EPYC: variants seen among roughly 807,000 people sequenced by gnomAD.
The protein encoded by EPYC is dermatan sulfate proteoglycan 3.
Under a neutral mutation model 30.1 loss-of-function variants are expected in EPYC, and 28 were observed. That is an observed-to-expected ratio of 0.93 (90% CI 0.69 to 1.28). The LOEUF (loss-of-function observed/expected upper bound fraction) is 1.28, where lower values mean the gene tolerates loss of function less well. EPYC is among the 50% of genes most tolerant of loss of function. The probability of loss-of-function intolerance (pLI) is 0.00; values close to 1 mark genes in which losing one functional copy is unlikely to be tolerated. For synonymous variants in EPYC, 144 were observed against 141.4 expected (o/e 1.02, Z -0.13); for missense variants, 382 against 383.5 (o/e 1.00, Z 0.03).
chr12:90,970,094 C>A lies in EPYC; in HGVS notation c.748G>T (p.Asp250Tyr). 6.2e-7 allele frequency: 1 copy of A among 1,613,906 alleles called. No individual in the cohort carries two copies. Among genetic ancestry groups the A allele is most frequent in the Non-Finnish European group, 8.5e-7 (1 of 1,179,886 alleles). ...HHLYLTDNNL[D>Y]HIPLPLPENL... ...TCTGGGAGTGGCAGAGGGATGTGGT[C>A]CAAGTTGTTATCAGTGAGGTACAGA... Residue 250 changes from aspartate (D) to tyrosine (Y), a missense_variant, in exon 6 of 7, where the codon GAC becomes TAC. Transcript: ENST00000261172.
intron 2 of EPYC, among the ~76,000 whole-genome samples, chr12:90,988,510 C>T (rs1877505914): frequency 6.6e-6 from 1 of 152,094 alleles, no homozygotes; most frequent in South Asian, 2.1e-4. Flanking sequence ...TTCATTGGAT[C>T]TCATCATGGG....
At position 90,987,331 on chromosome 12, in the gene EPYC, A is replaced by C. The variant is rs1183564611; in HGVS notation, c.166-9069T>G. ...AACCACACCATAAAATTTCCCCCAC[A>C]CAGAAACATTCCAAGCTTGTGATGG... On this transcript the variant is annotated intron_variant, in intron 2 of 6. Coordinates refer to ENST00000261172, the MANE Select transcript of EPYC (RefSeq NM_004950.5). 5.3e-5 allele frequency among the ~76,000 whole-genome samples: 8 copies of C among 149,884 alleles called. No homozygotes were observed. The East Asian group carries it at 1.4e-3, about 25-fold the overall frequency.
chr12:90,974,072 A>ACACACT (rs71094701), intron 3 of EPYC, among the ~76,000 whole-genome samples: 1 of 144,114 alleles, frequency 6.9e-6, no homozygotes, highest in Non-Finnish European at 1.5e-5. Context: ...ACACACACAC[A>ACACACT]CCCCTACCTC....
At chr12:91,001,059 G>T (rs1478020643) in intron 2 of EPYC, among the ~76,000 whole-genome samples, 1 of 151,990 alleles carries the variant, frequency 6.6e-6, no homozygotes, top group Non-Finnish European at 1.5e-5. Context: ...AAAATAATCT[G>T]CTGTAGAGCC....
At chr12:90,969,807 G>A (rs938406776) in intron 6 of EPYC, among the ~76,000 whole-genome samples, 2 of 151,346 alleles carry the variant, frequency 1.3e-5, no homozygotes, top group East Asian at 1.9e-4. Flanking sequence ...ATTTTGCCTT[G>A]GAAAATAAGA....
intron 2 of EPYC, among the ~76,000 whole-genome samples, chr12:90,998,557 C>T (rs1452791388): frequency 6.6e-6 from 1 of 152,112 alleles, no homozygotes; most frequent in African/African-American, 2.4e-5. Flanking sequence ...TAGAAATCAA[C>T]AAAGCTCAAT....
intron 2 of EPYC, among the ~76,000 whole-genome samples, chr12:90,994,451 G>A (rs923348943): frequency 6.6e-6 from 1 of 152,132 alleles, no homozygotes; most frequent in Non-Finnish European, 1.5e-5. Flanking sequence ...CTTGCCCAAG[G>A]TTATACAGTT....
intron 2 of EPYC, among the ~76,000 whole-genome samples, chr12:90,995,029 A>G (rs1877666438): frequency 6.6e-6 from 1 of 152,108 alleles, no homozygotes; most frequent in African/African-American, 2.4e-5. Context: ...ATGTATTTTT[A>G]TGGGTTTAAC....
chr12:90,980,278 AG>A (rs1445890611), intron 2 of EPYC, among the ~76,000 whole-genome samples: 1 of 152,198 alleles, frequency 6.6e-6, no homozygotes, highest in African/African-American at 2.4e-5. Context: ...TTTGATGTGA[AG>A]CTGTAAGATC....
Position 90,964,069 on chromosome 12 carries a change from A to G in EPYC, c.*87T>C. ...TATCATCTCTCAGAACACAATCTCA[A>G]AGTATCATGCTGAGTTTTGTTTTGG... On this transcript the variant is annotated 3_prime_UTR_variant, in exon 7 of 7. Transcript: ENST00000261172. 9.4e-7 allele frequency: 1 copy of G among 1,061,574 alleles called. No homozygotes were observed. The highest frequency in any genetic ancestry group is 1.4e-6 in the Non-Finnish European group (1 of 731,758). The allele number at this position is 1,061,574 out of a possible 1,614,324, so 65.8% of individuals were successfully genotyped here.
chr12:90,972,442 A>G (rs117380424), intron 4 of EPYC: 2 of 170,964 alleles, frequency 1.2e-5, no homozygotes, highest in East Asian at 3.3e-4. Context: ...ACATTCATCC[A>G]TCATAAAGCA....
intron 2 of EPYC, among the ~76,000 whole-genome samples, chr12:90,979,978 A>G (rs563620782): frequency 3.3e-5 from 5 of 152,302 alleles, no homozygotes; most frequent in African/African-American, 1.2e-4. Flanking sequence ...CAATACATGA[A>G]GATACAATAA....
chr12:90,976,197 A>G (rs1388077347), intron 3 of EPYC, among the ~76,000 whole-genome samples: 1 of 152,126 alleles, frequency 6.6e-6, no homozygotes, highest in African/African-American at 2.4e-5. Context: ...GGAGTTGTTC[A>G]AGGGGTATAA....
rs79428848 is a variant in EPYC at position 91,004,184 on chromosome 12, T to A, written c.-14+763A>T. Among the ~76,000 whole-genome samples, 830 of 152,238 alleles carry A rather than the reference T, an allele frequency of 5.5e-3. 9 individuals carry two copies. Among genetic ancestry groups the A allele is most frequent in the African/African-American group, 0.018 (738 of 41,558 alleles). On this transcript the variant is annotated intron_variant, in intron 1 of 6. Transcript: ENST00000261172. ...AACTTAAAAAAAATTTTTCCTTATA[T>A]GTTTCTGGCAACTTCCATTATTCAA...
intron 2 of EPYC, among the ~76,000 whole-genome samples, chr12:90,983,762 A>T (rs1174211872): frequency 1.3e-5 from 2 of 152,050 alleles, no homozygotes; most frequent in Non-Finnish European, 2.9e-5. Flanking sequence ...CTGCTTCTAA[A>T]AACCACTCCA....
In EPYC at chr12:91,002,537, C is replaced by T. The variant is rs768679797; in HGVS notation, c.29G>A (p.Gly10Glu). The T allele has an allele frequency of 1.2e-6, 2 of 1,612,534 alleles. No homozygotes were observed. The highest frequency in any genetic ancestry group is 1.7e-6 in the Non-Finnish European group (2 of 1,179,378). The change falls in exon 2 of 7, where the codon GGA becomes GAA. Residue 10 changes from glycine to glutamate, a missense_variant. Coordinates refer to ENST00000261172, the MANE Select transcript of EPYC (RefSeq NM_004950.5). Reference sequence around the variant, plus strand: ...CACAGCAGCATCAAAGATGACAAGTCCCAGAACAAGTCCTGCTAATGTCTT... The same window carrying T: ...CACAGCAGCATCAAAGATGACAAGTTCCAGAACAAGTCCTGCTAATGTCTT... MKTLAGLVL[G>E]LVIFDAAVTA... is the part of the protein sequence containing the mutation.
In EPYC at chr12:90,982,423, C is replaced by T. The variant is rs184715787; in HGVS notation, c.166-4161G>A. Among the ~76,000 whole-genome samples the T allele has an allele frequency of 6.4e-4, 98 of 152,170 alleles. 1 individual carries two copies. The highest frequency in any genetic ancestry group is 8.8e-5 in the Non-Finnish European group (6 of 67,974). On this transcript the variant is annotated intron_variant, in intron 2 of 6. Coordinates refer to ENST00000261172, the MANE Select transcript of EPYC (RefSeq NM_004950.5). ...ATCACCCAAGAAAAAAACTCTACAA[C>T]CATTAACAGCCATTTCCAACTTCTC...
Position 90,964,211 on chromosome 12 carries a change from T to C in EPYC, c.914A>G (p.Lys305Arg), listed in dbSNP as rs1876834017. The C allele has an allele frequency of 1.2e-6, 2 of 1,613,466 alleles. No homozygotes were observed. The highest frequency in any genetic ancestry group is 2.2e-5 in the East Asian group (1 of 44,844). ...RLDGNPINLS[K>R]TPQAYMCLPR... ...TAGACACATGTATGCTTGAGGAGTT[T>C]TGCTGAGATTAATAGGGTTTCCATC... The change falls in exon 7 of 7, where the codon AAA (lysine) becomes AGA (arginine). Residue 305 changes from lysine to arginine, a missense_variant. Physicochemically the swap from Lys to Arg is conservative, Grantham distance 26 (BLOSUM62 2). Transcript: ENST00000261172.
chr12:91,003,472 C>A (rs1448149014), intron 1 of EPYC, among the ~76,000 whole-genome samples: 1 of 151,936 alleles, frequency 6.6e-6, no homozygotes, highest in East Asian at 1.9e-4. Flanking sequence ...TTAATAAGCA[C>A]AATTCTTATT....
Sources: gnomAD v4.1 joint callset for allele counts (sites outside exome capture counted in the v4.1 genomes callset) on GRCh38, gnomAD v4.1.1 for gene constraint, MANE v1.5 for transcripts, NCBI Gene and HGNC (gene_info 2026-07-23, HGNC 2026-07-21) for gene names.